The following SDS variants were observed in gnomAD, a reference collection of about 807,000 sequenced individuals.
SDS encodes L-serine dehydratase/L-threonine deaminase.
In SDS, 19 loss-of-function variants were observed where a neutral mutation model predicts 29.3. That is an observed-to-expected ratio of 0.65 (90% CI 0.45 to 0.95). The LOEUF (loss-of-function observed/expected upper bound fraction) is 0.95. SDS is among the 40% of genes least tolerant of loss of function. The probability of loss-of-function intolerance (pLI) is 0.00; values close to 1 mark genes in which losing one functional copy is unlikely to be tolerated. For missense variants in SDS, 375 were observed against 439.9 expected, an observed-to-expected ratio of 0.85 and a Z score of 1.32; for synonymous variants, 176 against 189.0, an observed-to-expected ratio of 0.93 and a Z score of 0.56.
At chr12:113,398,667 C>T in intron 4 of SDS, 40 bp downstream of exon 4, 1 of 1,607,878 alleles carries the variant, frequency 6.2e-7, no homozygotes, top group Non-Finnish European at 8.5e-7. Context: ...GTCCAGCCAC[C>T]AGGCGCCCTC....
At chr12:113,394,110 G>A in intron 6 of SDS, 94 bp from the exon 7 acceptor site, 1 of 1,261,580 alleles carries the variant, frequency 7.9e-7, no homozygotes, top group South Asian at 1.3e-5. Context: ...ATGTGAGACA[G>A]AGAAGGCAAT....
chr12:113,399,392 G>A, intron 2 of SDS, 164 bp downstream of exon 2: 6 of 949,754 alleles, frequency 6.3e-6, no homozygotes, highest in South Asian at 1.7e-5. Flanking sequence ...TCCTGGAAGG[G>A]CACCCCTCAA....
At chr12:113,400,046 C>A (rs1957674615) in intron 1 of SDS, among the ~76,000 whole-genome samples, 1 of 152,218 alleles carries the variant, frequency 6.6e-6, no homozygotes, top group Admixed American at 6.5e-5. Flanking sequence ...GTAATACCAG[C>A]ACTTTGGGAG....
At chr12:113,394,246 A>G (rs1957631245) in intron 6 of SDS, among the ~76,000 whole-genome samples, 1 of 151,172 alleles carries the variant, frequency 6.6e-6, no homozygotes, top group Non-Finnish European at 1.5e-5. Context: ...ATCATATAGT[A>G]TATTCTTTAG....
chr12:113,398,784 C>T lies in SDS; in HGVS notation c.256G>A (p.Val86Met), dbSNP rs766991090. ...ARQLGVPATI[V>M]VPSTTPALTI... ...AGAGCAGGTGTGGTGCTGGGCACCA[C>T]GATGGTGGCGGGGACGCCGAGTTGC... Residue 86 changes from valine (V) to methionine (M), a missense_variant, in exon 4 of 8, where the codon GTG becomes ATG. Val to Met is a conservative substitution (Grantham distance 21). Coordinates refer to ENST00000257549, the MANE Select transcript of SDS (RefSeq NM_006843.3). 41 of 1,613,864 alleles carry T rather than the reference C, an allele frequency of 2.5e-5. No individual in the cohort carries two copies. The highest frequency in any genetic ancestry group is 4.5e-5 in the East Asian group (2 of 44,886).
intron 6 of SDS, among the ~76,000 whole-genome samples, chr12:113,395,426 T>G (rs1160134853): frequency 2.0e-5 from 3 of 152,194 alleles, no homozygotes; most frequent in Non-Finnish European, 4.4e-5. Context: ...GTCTTCCCTA[T>G]CTGTAGGGGA....
chr12:113,396,220 C>A (rs999184356), intron 6 of SDS, among the ~76,000 whole-genome samples: 1 of 152,186 alleles, frequency 6.6e-6, no homozygotes, highest in African/African-American at 2.4e-5. Context: ...GTCTTACACA[C>A]AATAGGGGCT....
rs1438069948 is a variant in SDS at position 113,398,622 on chromosome 12, G to A, written c.334-16C>T. 3 of 1,599,056 alleles carry A rather than the reference G, an allele frequency of 1.9e-6. No homozygotes were observed. Among genetic ancestry groups the A allele is most frequent in the Non-Finnish European group, 2.6e-6 (3 of 1,170,614 alleles). On this transcript the variant is annotated splice_polypyrimidine_tract_variant and intron_variant, in intron 4 of 7. Transcript: ENST00000257549. ...CATCCAATAACTGCAAAGCCACAGGGGAGATAGGAGGGGGTGAGGCACAGG... is the reference window on the plus strand; with the variant it reads ...CATCCAATAACTGCAAAGCCACAGGAGAGATAGGAGGGGGTGAGGCACAGG...
Position 113,397,380 on chromosome 12 carries a change from A to G in SDS, c.438T>C (p.Ala146=), listed in dbSNP as rs530656973. 7 of 1,608,810 alleles carry G rather than the reference A, an allele frequency of 4.4e-6. No individual in the cohort carries two copies. Among genetic ancestry groups the G allele is most frequent in the African/African-American group, 1.3e-5 (1 of 74,954 alleles). Residue 146 remains alanine, a synonymous_variant, in exon 6 of 8, where the codon GCT becomes GCC. Coordinates refer to ENST00000257549, the MANE Select transcript of SDS (RefSeq NM_006843.3). ...FDDPLIWEGH[A]SIVKELKETL... is the part of the protein sequence containing the mutation. Reference sequence around the variant, plus strand: ...TCTCCTTCAGCTCTTTCACGATGGAAGCGTGGCCTTCCCTGGAGGGTGGGG... The same window carrying G: ...TCTCCTTCAGCTCTTTCACGATGGAGGCGTGGCCTTCCCTGGAGGGTGGGG...
intron 4 of SDS, 30 bp from the exon 5 acceptor site, chr12:113,398,636 G>T (rs760693010): frequency 1.2e-6 from 2 of 1,600,868 alleles, no homozygotes; most frequent in Non-Finnish European, 1.7e-6. Context: ...ATAGGAGGGG[G>T]TGAGGCACAG....
chr12:113,403,671 GAC>G (rs1957700392), intron 1 of SDS, 95 bp downstream of exon 1: 1 of 152,394 alleles, frequency 6.6e-6, no homozygotes, highest in Non-Finnish European at 1.5e-5. Flanking sequence ...GCCCAGCCTT[GAC>G]AGACTCTTTC....
intron 1 of SDS, 28 bp from the exon 2 acceptor site, chr12:113,399,738 G>T (rs1229390246): frequency 6.6e-7 from 1 of 1,519,302 alleles, no homozygotes; most frequent in East Asian, 2.4e-5. Flanking sequence ...AACCCAGAGG[G>T]TTAGGAGAGC....
intron 1 of SDS, among the ~76,000 whole-genome samples, chr12:113,400,879 C>T (rs764200823): frequency 7.9e-5 from 12 of 151,708 alleles, no homozygotes; most frequent in Non-Finnish European, 1.5e-4. Flanking sequence ...CTGGGCTGGG[C>T]GCGGTGACTC....
rs1420819117 is a variant in SDS, at chr12:113,393,960, T to A, written c.710A>T (p.Gln237Leu). ...TVGAQALKLF[Q>L]EHPIFSEVIS... ...AACTTCAGAGAAAATGGGGTGTTCC[T>A]GAAACAGCTTCAGGGCCTGAGCCCC... Residue 237 changes from glutamine to leucine, a missense_variant, in exon 7 of 8, where the codon CAG (glutamine) becomes CTG (leucine). Transcript: ENST00000257549. 4 of 1,614,018 alleles carry A rather than the reference T, an allele frequency of 2.5e-6. No individual in the cohort carries two copies. Among genetic ancestry groups the A allele is most frequent in the Non-Finnish European group, 3.4e-6 (4 of 1,180,022 alleles).
At position 113,392,980 on chromosome 12, in the gene SDS, G is replaced by T. The variant is rs1475234910; in HGVS notation, c.948C>A (p.Leu316=). 2.5e-6 allele frequency: 4 copies of T among 1,614,158 alleles called. No homozygotes were observed. Among genetic ancestry groups the T allele is most frequent in the South Asian group, 1.1e-5 (1 of 91,074 alleles). The change falls in exon 8 of 8, where the codon CTC becomes CTA. Residue 316 remains leucine, a synonymous_variant. Transcript: ENST00000257549. ...TATTTGTCATGCCCAGCTGTTCCTT[G>T]AGCGCCCGCAGCTGGGCCAGGCTGA... ...SNISLAQLRA[L]KEQLGMTNRL...
At chr12:113,395,686 C>A (rs1273049206) in intron 6 of SDS, among the ~76,000 whole-genome samples, 1 of 152,340 alleles carries the variant, frequency 6.6e-6, no homozygotes, top group African/African-American at 2.4e-5. Context: ...TGAAACACTA[C>A]ATGCTAAGGA....
intron 4 of SDS, 50 bp downstream of exon 4, chr12:113,398,657 G>C (rs1957664109): frequency 1.2e-6 from 2 of 1,606,822 alleles, no homozygotes; most frequent in Admixed American, 1.7e-5. Context: ...GGGGCACCCT[G>C]TCCAGCCACC....
intron 6 of SDS, among the ~76,000 whole-genome samples, chr12:113,395,400 T>A (rs1226856224): frequency 6.6e-6 from 1 of 152,196 alleles, no homozygotes; most frequent in Non-Finnish European, 1.5e-5. Flanking sequence ...AAGAAGTTCT[T>A]ACCTGGCTGG....
At chr12:113,402,587 C>T (rs865874444) in intron 1 of SDS, among the ~76,000 whole-genome samples, 1 of 152,218 alleles carries the variant, frequency 6.6e-6, no homozygotes, top group Non-Finnish European at 1.5e-5. Context: ...GCCACCACAC[C>T]GACTGACTTG....
Sources: allele counts gnomAD v4.1 joint callset (sites outside exome capture counted in the v4.1 genomes callset), GRCh38; gene constraint gnomAD v4.1.1; transcripts MANE v1.5; gene names NCBI Gene and HGNC (gene_info 2026-07-23, HGNC 2026-07-21).